Variants in TRMT44 observed in about 807,000 individuals in gnomAD.
TRMT44 encodes the protein tRNA methyltransferase 44 homolog.
A neutral mutation model predicts 77.3 loss-of-function variants in TRMT44; 78 were observed. That is an observed-to-expected ratio of 1.01 (90% CI 0.84 to 1.22). TRMT44 has a LOEUF of 1.22. Among genes scored for constraint, TRMT44 ranks in the 50% most tolerant of loss-of-function variants. The probability of loss-of-function intolerance (pLI) is 0.00; values close to 1 mark genes in which losing one functional copy is unlikely to be tolerated. For synonymous variants in TRMT44, 391 were observed against 383.3 expected, an observed-to-expected ratio of 1.02 and a Z score of -0.23; for missense variants, 1,090 against 964.4, an observed-to-expected ratio of 1.13 and a Z score of -1.73.
At chr4:8,478,259 C>G (rs993799407), downstream of TRMT44, 1 of 152,712 alleles carries the variant, frequency 6.5e-6, no homozygotes, top group South Asian at 2.1e-4. Context: ...TTTCCAGTCA[C>G]AAGCCGCAAG....
Position 8,449,905 on chromosome 4 carries a change from A to G in TRMT44, c.954+17A>G. ...ATGGTTAAGGTAATTCTGGTGGAGAATATCTGATTTTTCCCCCTTCATGAT... is the reference window on the plus strand; with the variant it reads ...ATGGTTAAGGTAATTCTGGTGGAGAGTATCTGATTTTTCCCCCTTCATGAT... On this transcript the variant is annotated intron_variant, in intron 3 of 10. Coordinates refer to ENST00000389737, the MANE Select transcript of TRMT44 (RefSeq NM_152544.3). 9.5e-7 allele frequency: 1 copy of G among 1,052,118 alleles called. No individual in the cohort carries two copies. The highest frequency in any genetic ancestry group is 2.1e-5 in the South Asian group (1 of 47,632). 65.2% of individuals were successfully genotyped at this position (1,052,118 alleles called of 1,614,324 possible).
At chr4:8,473,287 G>A (rs2255501) in intron 10 of TRMT44, 40,739 of 152,492 alleles carry the variant, frequency 0.27, 6,007 homozygotes, top group Non-Finnish European at 0.33. Flanking sequence ...AAGGGGCGGC[G>A]CGCTGCATCC....
At chr4:8,483,395 T>C (rs190466794) in intron 2 of TRMT44, among the ~76,000 whole-genome samples, 148 of 150,096 alleles carry the variant, frequency 9.9e-4, no homozygotes, top group Non-Finnish European at 1.7e-3. Context: ...AGACAGAAGA[T>C]AGTAGGGTTG....
rs761375759 is a variant in TRMT44 at position 8,475,831 on chromosome 4, C to T, written c.2104C>T (p.Gln702Ter). 1.2e-6 allele frequency: 2 copies of T among 1,614,210 alleles called. No individual in the cohort carries two copies. Among genetic ancestry groups the T allele is most frequent in the East Asian group, 2.2e-5 (1 of 44,886 alleles). Reference protein sequence around the residue: ...WREETLWKTKQPEAKQRLLSE... With the variant: ...WREETLWKTK ...AGAGGAGACACTGTGGAAGACAAAGCAACCGGAAGCGAAACAGAGACTGCT... is the reference window on the plus strand; with the variant it reads ...AGAGGAGACACTGTGGAAGACAAAGTAACCGGAAGCGAAACAGAGACTGCT... Residue 702 changes from glutamine (Q) to a stop codon, truncating the protein, a stop_gained, in exon 11 of 11, where the codon CAA becomes TAA. Transcript: ENST00000389737. LOFTEE classifies it low-confidence loss of function (END_TRUNC).
intron 6 of TRMT44, 81 bp downstream of exon 6, chr4:8,454,894 T>C (rs1478985959): frequency 1.6e-6 from 2 of 1,268,292 alleles, no homozygotes; most frequent in Non-Finnish European, 2.3e-6. Flanking sequence ...TGTGTCTCTT[T>C]GTATAGGTCA....
the TRMT44 span, among the ~76,000 whole-genome samples, chr4:8,501,204 G>T: frequency 6.6e-5 from 10 of 152,334 alleles, no homozygotes; most frequent in Admixed American, 1.3e-4. This position sits in a 1 kb window ranked among gnomAD's most constrained non-coding sequence, Gnocchi z 4.4. Flanking sequence ...GTGATGGCTT[G>T]TGCATGTGCA....
rs1459484393 is a variant in TRMT44, at chr4:8,452,500, C to T, written c.1024-382C>T. On this transcript the variant is annotated intron_variant, in intron 4 of 10. Coordinates refer to ENST00000389737, the MANE Select transcript of TRMT44 (RefSeq NM_152544.3). This position sits in a 1 kb window ranked among gnomAD's most constrained non-coding sequence, Gnocchi z 5.7. ...TGTAATTCCCAGCACTTCGGGAGGCCGAGGCGGGCAGATCACTTGAGGTCA... is the reference window on the plus strand; with the variant it reads ...TGTAATTCCCAGCACTTCGGGAGGCTGAGGCGGGCAGATCACTTGAGGTCA... Among the ~76,000 whole-genome samples the T allele has an allele frequency of 2.0e-5, 3 of 152,140 alleles. No individual in the cohort carries two copies. The highest frequency in any genetic ancestry group is 1.9e-4 in the East Asian group (1 of 5,186).
chr4:8,454,745 C>T lies in TRMT44; in HGVS notation c.1135C>T (p.Pro379Ser). Residue 379 changes from proline to serine, a missense_variant, in exon 6 of 11, where the codon CCA becomes TCA. Physicochemically the swap from Pro to Ser is moderately conservative, Grantham distance 74. Transcript: ENST00000389737. The part of the protein sequence containing the change: ...LVHILSSEGH[P>S]GRGIDVRRRK... ...TTTCTAAAATTAATTTTTTCAGCAT[C>T]CAGGCAGAGGGATTGATGTCCGAAG... The T allele has an allele frequency of 1.2e-6, 2 of 1,614,096 alleles. No individual in the cohort carries two copies. Among genetic ancestry groups the T allele is most frequent in the Non-Finnish European group, 1.7e-6 (2 of 1,179,940 alleles).
At chr4:8,484,687 A>G (rs1218862449) in intron 2 of TRMT44, among the ~76,000 whole-genome samples, 1 of 152,166 alleles carries the variant, frequency 6.6e-6, no homozygotes, top group African/African-American at 2.4e-5. Flanking sequence ...TCTTCAAGGA[A>G]CAGAAAGAGG....
rs982231607 is a variant in TRMT44, at chr4:8,465,300, C to T, written c.1311-78C>T. 38 of 1,407,172 alleles carry T rather than the reference C, an allele frequency of 2.7e-5. No individual in the cohort carries two copies. The African/African-American group carries it at 3.4e-4, about 13-fold the overall frequency. The allele number at this position is 1,407,172 out of a possible 1,614,324, so 87.2% of individuals were successfully genotyped here. ...CTATTTTGCCCTGATATGCGATTGC[C>T]GTGTGGCTTTGTTCCGAATTTCCTT... On this transcript the variant is annotated intron_variant, in intron 7 of 10. Coordinates refer to ENST00000389737, the MANE Select transcript of TRMT44 (RefSeq NM_152544.3).
chr4:8,497,947 G>A (rs1423033062), downstream of TRMT44, among the ~76,000 whole-genome samples: 6 of 152,182 alleles, frequency 3.9e-5, no homozygotes, highest in Admixed American at 2.6e-4. Flanking sequence ...AAATCCCAGG[G>A]GCAGGGAGCA....
At chr4:8,507,274 G>A in the TRMT44 span, 1,282 of 152,456 alleles carry the variant, frequency 8.4e-3, 6 homozygotes, top group South Asian at 0.033. Flanking sequence ...ACCAGGCGAG[G>A]CCAGGGCGTG....
In TRMT44 at chr4:8,454,881, G is replaced by A. The variant is rs141504491; in HGVS notation, c.1203+68G>A. The A allele has an allele frequency of 1.2e-3, 1,631 of 1,412,712 alleles. 1 individual carries two copies. Among genetic ancestry groups the A allele is most frequent in the Non-Finnish European group, 1.5e-3 (1,497 of 997,332 alleles). The allele number at this position is 1,412,712 out of a possible 1,614,324, so 87.5% of individuals were successfully genotyped here. ...AGCTCCCAGTGGGAATTGCTGTAAT[G>A]AATGTGTCTCTTTGTATAGGTCAAG... On this transcript the variant is annotated intron_variant, in intron 6 of 10. Coordinates refer to ENST00000389737, the MANE Select transcript of TRMT44 (RefSeq NM_152544.3).
At chr4:8,503,075 G>A in the TRMT44 span, among the ~76,000 whole-genome samples, 2 of 152,226 alleles carry the variant, frequency 1.3e-5, no homozygotes, top group Non-Finnish European at 2.9e-5. Flanking sequence ...TTGGTTTCTG[G>A]CTGTGACCCT....
chr4:8,467,541 G>C (rs1238913171), intron 8 of TRMT44, among the ~76,000 whole-genome samples: 1 of 152,164 alleles, frequency 6.6e-6, no homozygotes, highest in East Asian at 1.9e-4. Flanking sequence ...GGAGTGCATT[G>C]GCACAATCTT....
intron 2 of TRMT44, 113 bp from the exon 3 acceptor site, chr4:8,449,556 T>C: frequency 1.2e-6 from 1 of 819,886 alleles, no homozygotes; most frequent in Non-Finnish European, 1.8e-6. Context: ...TTTTATGTTT[T>C]TGGTAATATA....
chr4:8,506,032 A>G, the TRMT44 span, among the ~76,000 whole-genome samples: 115 of 152,350 alleles, frequency 7.5e-4, no homozygotes, highest in African/African-American at 2.7e-3. Flanking sequence ...GTATTTCTTC[A>G]CAGCAGTGTG....
At chr4:8,441,638 G>C (rs1265146261) in intron 1 of TRMT44, among the ~76,000 whole-genome samples, 197 bp downstream of exon 1, 2 of 152,182 alleles carry the variant, frequency 1.3e-5, no homozygotes, top group African/African-American at 2.4e-5. Flanking sequence ...GATTGGGGTG[G>C]TGTCTGGAAG....
In TRMT44 at chr4:8,451,977, T is replaced by C. The variant is rs1336244457; in HGVS notation, c.972T>C (p.Thr324=). 2 of 1,536,822 alleles carry C rather than the reference T, an allele frequency of 1.3e-6. No individual in the cohort carries two copies. Among genetic ancestry groups the C allele is most frequent in the South Asian group, 1.2e-5 (1 of 84,066 alleles). Residue 324 remains threonine (T), a synonymous_variant, in exon 4 of 11, where the codon ACT becomes ACC. Transcript: ENST00000389737. This position sits in a 1 kb window ranked among gnomAD's most constrained non-coding sequence, Gnocchi z 4.1. The part of the protein sequence containing the change: ...KEMVKVWPEV[T]DPEKFVYEDV... ...TGTTTTAGGTGTGGCCTGAAGTCAC[T>C]GATCCTGAGAAGTTCGTGTATGAAG...
Sources: allele counts gnomAD v4.1 joint callset (sites outside exome capture counted in the v4.1 genomes callset), GRCh38; gene constraint gnomAD v4.1.1; non-coding constraint Gnocchi (gnomAD v3.1); transcripts MANE v1.5; gene names NCBI Gene and HGNC (gene_info 2026-07-23, HGNC 2026-07-21).